NYAP2: variants seen among roughly 807,000 people sequenced by gnomAD.
NYAP2 encodes neuronal tyrosine-phosphorylated phosphoinositide-3-kinase adapter 2.
Under a neutral mutation model 50.4 loss-of-function variants are expected in NYAP2, and 23 were observed. The ratio of observed to expected loss-of-function variants is 0.46; its 90% CI spans 0.33 to 0.65. The LOEUF is 0.65. Ranked by LOEUF, NYAP2 falls within the 30% of genes least tolerant of loss-of-function variation. The probability of loss-of-function intolerance (pLI) is 0.02; values close to 1 mark genes in which losing one functional copy is unlikely to be tolerated. For synonymous variants in NYAP2, 394 were observed against 365.2 expected (o/e 1.08, Z -0.90); for missense variants, 885 against 861.0 (o/e 1.03, Z -0.35).
chr2:225,581,851 A>G, intron 4 of NYAP2, 90 bp from the exon 5 acceptor site: 2 of 1,304,546 alleles, frequency 1.5e-6, no homozygotes, highest in Non-Finnish European at 2.1e-6. Context: ...CCTCTGGCCT[A>G]AAGTTTATTG....
chr2:225,519,901 G>T (rs1248925764), intron 4 of NYAP2, among the ~76,000 whole-genome samples: 3 of 152,208 alleles, frequency 2.0e-5, no homozygotes, highest in East Asian at 3.9e-4. Context: ...GTGTAAAAGT[G>T]TTCCTATTTC....
intron 5 of NYAP2, among the ~76,000 whole-genome samples, chr2:225,609,318 C>G (rs1692841076): frequency 6.6e-6 from 1 of 152,108 alleles, no homozygotes; most frequent in Non-Finnish European, 1.5e-5. Context: ...ATGAGCCTAC[C>G]TGATTATGAG....
intron 4 of NYAP2, among the ~76,000 whole-genome samples, chr2:225,579,985 C>G (rs191854475): frequency 1.3e-5 from 2 of 152,340 alleles, no homozygotes; most frequent in African/African-American, 2.4e-5. Flanking sequence ...GGTTAACCCT[C>G]CCTTCATAGA....
chr2:225,581,780 A>G (rs1301109825), intron 4 of NYAP2, among the ~76,000 whole-genome samples, 161 bp from the exon 5 acceptor site: 1 of 152,206 alleles, frequency 6.6e-6, no homozygotes, highest in African/African-American at 2.4e-5. Flanking sequence ...AAATAAGGGA[A>G]TGCTTGACTC....
intron 4 of NYAP2, among the ~76,000 whole-genome samples, chr2:225,574,184 T>C (rs1053998895): frequency 6.6e-6 from 1 of 152,208 alleles, no homozygotes; most frequent in African/African-American, 2.4e-5. Flanking sequence ...ATTCCTCATA[T>C]GCAAAGGCTT....
the NYAP2 span, among the ~76,000 whole-genome samples, chr2:225,694,089 G>A: frequency 1.9e-3 from 289 of 152,144 alleles, no homozygotes; most frequent in Non-Finnish European, 2.7e-3. Flanking sequence ...CTTTTGATGT[G>A]TACTTACCTA....
chr2:225,686,714 G>A, the NYAP2 span, among the ~76,000 whole-genome samples: 3 of 152,148 alleles, frequency 2.0e-5, no homozygotes, highest in African/African-American at 7.2e-5. Flanking sequence ...GGTTCTACCA[G>A]TGAGTAAGCT....
intron 5 of NYAP2, among the ~76,000 whole-genome samples, chr2:225,589,213 G>C (rs1166937096): frequency 6.6e-6 from 1 of 151,924 alleles, no homozygotes; most frequent in South Asian, 2.1e-4. Flanking sequence ...ACTTCCAAAG[G>C]CCACTTTATC....
At position 225,418,373 on chromosome 2, in the gene NYAP2, G is replaced by A. The variant is rs139825281; in HGVS notation, c.221+9272G>A. On this transcript the variant is annotated intron_variant, in intron 3 of 6. Transcript: ENST00000636099. ...CTGGCTTAGCTCAGGGTGAAATTGG[G>A]ATGAGAGAGGTCTCAGTAAGGGCAG... Among the ~76,000 whole-genome samples, 35 of 152,246 alleles carry A rather than the reference G, an allele frequency of 2.3e-4. 2 individuals are homozygous for A. Among genetic ancestry groups the A allele is most frequent in the Admixed American group, 1.7e-3 (26 of 15,272 alleles).
At chr2:225,558,691 G>A (rs1203649531) in intron 4 of NYAP2, among the ~76,000 whole-genome samples, 7 of 152,046 alleles carry the variant, frequency 4.6e-5, no homozygotes, top group Non-Finnish European at 4.4e-5. Context: ...TGTAGTCACA[G>A]GCTGCAGGTT....
intron 4 of NYAP2, among the ~76,000 whole-genome samples, chr2:225,553,284 C>A (rs1424374885): frequency 6.6e-6 from 1 of 152,200 alleles, no homozygotes; most frequent in South Asian, 2.1e-4. Flanking sequence ...ACAAGTTCCC[C>A]CTAGTTCCCC....
intron 5 of NYAP2, among the ~76,000 whole-genome samples, chr2:225,589,516 A>AAAATATATATATATAT (rs112700820): frequency 4.2e-4 from 30 of 71,298 alleles, no homozygotes; most frequent in South Asian, 1.1e-3. Flanking sequence ...CTAAAAGTAA[A>AAAATATATATATATAT]ATATATATAT....
chr2:225,622,904 A>C (rs1294895525), intron 5 of NYAP2, among the ~76,000 whole-genome samples: 1 of 151,922 alleles, frequency 6.6e-6, no homozygotes, highest in Non-Finnish European at 1.5e-5. Context: ...TTTATTTCTA[A>C]CCTAGCAATT....
At chr2:225,573,836 C>CAT (rs1311726268) in intron 4 of NYAP2, among the ~76,000 whole-genome samples, 1 of 152,148 alleles carries the variant, frequency 6.6e-6, no homozygotes, top group African/African-American at 2.4e-5. Context: ...AGTCCTCTTA[C>CAT]ATCTAAGACT....
At chr2:225,449,817 A>G (rs1181844845) in intron 3 of NYAP2, among the ~76,000 whole-genome samples, 1 of 151,564 alleles carries the variant, frequency 6.6e-6, no homozygotes, top group Non-Finnish European at 1.5e-5. Context: ...GGGTTTCACC[A>G]TGTTGGTCAG....
At chr2:225,587,881 G>A (rs761781286) in intron 5 of NYAP2, among the ~76,000 whole-genome samples, 3 of 150,490 alleles carry the variant, frequency 2.0e-5, no homozygotes, top group South Asian at 2.1e-4. Flanking sequence ...TTGGAGATTC[G>A]TAAGTTTTTC....
At chr2:225,427,724 A>G (rs1695307394) in intron 3 of NYAP2, among the ~76,000 whole-genome samples, 1 of 152,204 alleles carries the variant, frequency 6.6e-6, no homozygotes, top group South Asian at 2.1e-4. Context: ...AGTTTAATGC[A>G]TCTCCTCTAA....
chr2:225,638,156 TTGTGTGTGTGTGTG>T (rs146481098), intron 6 of NYAP2, among the ~76,000 whole-genome samples: 5 of 135,306 alleles, frequency 3.7e-5, no homozygotes, highest in East Asian at 4.5e-4. Flanking sequence ...ACTCGTGTGT[TTGTGTGTGTGTGTG>T]TGTGTGTGTG....
intron 4 of NYAP2, among the ~76,000 whole-genome samples, chr2:225,525,550 A>T (rs1304205617): frequency 6.6e-6 from 1 of 152,206 alleles, no homozygotes; most frequent in Non-Finnish European, 1.5e-5. Context: ...GTTCTCACTT[A>T]TAAGTGGGAG....
Sources: allele counts gnomAD v4.1 joint callset (sites outside exome capture counted in the v4.1 genomes callset), GRCh38; gene constraint gnomAD v4.1.1; transcripts MANE v1.5; gene names NCBI Gene and HGNC (gene_info 2026-07-23, HGNC 2026-07-21).